AUTS2: variants seen among roughly 807,000 people sequenced by gnomAD.
AUTS2 encodes the protein activator of transcription and developmental regulator AUTS2.
A neutral mutation model predicts 112.4 loss-of-function variants in AUTS2; 17 were observed. That is an observed-to-expected ratio of 0.15 (90% CI 0.10 to 0.23). The LOEUF (loss-of-function observed/expected upper bound fraction) is 0.23, where lower values mean the gene tolerates loss of function less well. AUTS2 is among the 10% of genes least tolerant of loss of function. The probability of loss-of-function intolerance (pLI) is 1.00; values close to 1 mark genes in which losing one functional copy is unlikely to be tolerated. For synonymous variants in AUTS2, 751 were observed against 702.7 expected, an observed-to-expected ratio of 1.07 and a Z score of -1.09; for missense variants, 1,510 against 1,701.6, an observed-to-expected ratio of 0.89 and a Z score of 1.98.
chr7:70,151,504 ATTC>A (rs1312010849), intron 4 of AUTS2, among the ~76,000 whole-genome samples: 5 of 152,116 alleles, frequency 3.3e-5, no homozygotes, highest in African/African-American at 1.2e-4. Context: ...AGACAGTTTC[ATTC>A]TTGTTGCCCA....
chr7:70,094,019 T>C (rs1190556474), intron 2 of AUTS2, among the ~76,000 whole-genome samples: 2 of 152,216 alleles, frequency 1.3e-5, no homozygotes, highest in East Asian at 3.9e-4. Flanking sequence ...GATGCTCATC[T>C]GTTAGGAAAG....
intron 1 of AUTS2, among the ~76,000 whole-genome samples, chr7:69,792,727 T>C (rs2129327762): frequency 6.6e-6 from 1 of 152,216 alleles, no homozygotes; most frequent in African/African-American, 2.4e-5. Flanking sequence ...GTATCTGAAT[T>C]GCCTAAGGCC....
intron 1 of AUTS2, among the ~76,000 whole-genome samples, chr7:69,849,252 C>G (rs1048358606): frequency 1.3e-5 from 2 of 152,160 alleles, no homozygotes; most frequent in Non-Finnish European, 2.9e-5. Flanking sequence ...TTGTGACCTT[C>G]AACAAGTTAT....
chr7:70,557,053 T>C (rs1309490323), intron 5 of AUTS2, among the ~76,000 whole-genome samples: 7 of 152,224 alleles, frequency 4.6e-5, no homozygotes, highest in Non-Finnish European at 1.0e-4. Flanking sequence ...GGTGTAGTTT[T>C]CATTAAGTCA....
chr7:70,196,730 A>G (rs1448751065), intron 4 of AUTS2, among the ~76,000 whole-genome samples: 1 of 152,192 alleles, frequency 6.6e-6, no homozygotes, highest in Non-Finnish European at 1.5e-5. Flanking sequence ...AACTAGACTG[A>G]CTTTTCCCAC....
chr7:70,288,903 G>A (rs1019379895), intron 4 of AUTS2, among the ~76,000 whole-genome samples: 2 of 152,142 alleles, frequency 1.3e-5, no homozygotes, highest in Non-Finnish European at 2.9e-5. Context: ...TATACTAAGC[G>A]TAATACATCA....
intron 5 of AUTS2, among the ~76,000 whole-genome samples, chr7:70,539,095 C>T (rs952509180): frequency 6.6e-5 from 10 of 152,158 alleles, no homozygotes; most frequent in Non-Finnish European, 1.0e-4. Flanking sequence ...TATGATTCCA[C>T]GCCCCTGATG....
intron 4 of AUTS2, among the ~76,000 whole-genome samples, chr7:70,253,539 G>A (rs1462785098): frequency 6.6e-6 from 1 of 152,038 alleles, no homozygotes; most frequent in African/African-American, 2.4e-5. Context: ...TGTGAGTATT[G>A]CTTGTTTTTC....
At chr7:69,883,604 G>T (rs899560980) in intron 1 of AUTS2, among the ~76,000 whole-genome samples, 4 of 152,104 alleles carry the variant, frequency 2.6e-5, no homozygotes, top group Non-Finnish European at 4.4e-5. Flanking sequence ...AAGTGTGCTG[G>T]CAACAAGATA....
chr7:70,161,857 A>G (rs1808093253), intron 4 of AUTS2, among the ~76,000 whole-genome samples: 1 of 152,118 alleles, frequency 6.6e-6, no homozygotes. Flanking sequence ...AACTTTTCTA[A>G]AAGGAATTAC....
chr7:69,884,214 C>T (rs1794177868), intron 1 of AUTS2, among the ~76,000 whole-genome samples: 1 of 152,208 alleles, frequency 6.6e-6, no homozygotes, highest in Non-Finnish European at 1.5e-5. Context: ...CAAAACTCTG[C>T]TGAGCTCATT....
chr7:70,711,028 G>A (rs1359401354), intron 6 of AUTS2, among the ~76,000 whole-genome samples: 12 of 152,202 alleles, frequency 7.9e-5, no homozygotes. Flanking sequence ...GGTAAAGGGT[G>A]ACTTGCCATT....
chr7:69,769,003 C>G (rs2129295612), intron 1 of AUTS2, among the ~76,000 whole-genome samples: 1 of 152,304 alleles, frequency 6.6e-6, no homozygotes, highest in South Asian at 2.1e-4. Context: ...TTTCTCCCAT[C>G]CTGTACAATG....
At chr7:70,316,193 AT>A (rs1372952712) in intron 4 of AUTS2, among the ~76,000 whole-genome samples, 1 of 152,196 alleles carries the variant, frequency 6.6e-6, no homozygotes, top group African/African-American at 2.4e-5. Context: ...ATACTACAGA[AT>A]TAGTTGTAGA....
chr7:69,598,641 C>T lies in AUTS2; in HGVS notation c.-1013C>T, dbSNP rs1792178584. The T allele has an allele frequency of 1.2e-5, 2 of 173,034 alleles. No homozygotes were observed. The highest frequency in any genetic ancestry group is 2.4e-5 in the Non-Finnish European group (2 of 81,802). 10.7% of individuals were successfully genotyped at this position (173,034 alleles called of 1,614,324 possible). A position where few individuals can be genotyped will look rare whatever the true frequency, so the allele number is the denominator to read the frequency against. ...GGCGGGGCGGCGAGAGAAGCGGCGGCGGCGGCGGCGGCACACCGGTGTCTC... is the reference window on the plus strand; with the variant it reads ...GGCGGGGCGGCGAGAGAAGCGGCGGTGGCGGCGGCGGCACACCGGTGTCTC... On this transcript the variant is annotated 5_prime_UTR_variant, in exon 1 of 19. Coordinates refer to ENST00000342771, the MANE Select transcript of AUTS2 (RefSeq NM_015570.4).
chr7:70,787,971 A>T (rs1791623350), intron 18 of AUTS2, among the ~76,000 whole-genome samples: 2 of 152,154 alleles, frequency 1.3e-5, no homozygotes, highest in African/African-American at 4.8e-5. Context: ...AAACGTCGAC[A>T]AGCAGTTTTG....
chr7:70,769,282 G>A (rs1212687057), intron 10 of AUTS2, among the ~76,000 whole-genome samples: 1 of 152,166 alleles, frequency 6.6e-6, no homozygotes, highest in African/African-American at 2.4e-5. Flanking sequence ...ATTTCACGGG[G>A]ACACCCAAAG....
At chr7:70,324,321 T>C (rs935835599) in intron 4 of AUTS2, among the ~76,000 whole-genome samples, 4 of 152,188 alleles carry the variant, frequency 2.6e-5, no homozygotes, top group Non-Finnish European at 5.9e-5. Context: ...CAAATTAGTA[T>C]ATGAGAACAA....
chr7:70,322,868 T>C (rs1047027048), intron 4 of AUTS2, among the ~76,000 whole-genome samples: 3 of 152,198 alleles, frequency 2.0e-5, no homozygotes, highest in African/African-American at 7.2e-5. Flanking sequence ...GCTCCACTTA[T>C]GTCCAGAGCA....
Sources: allele counts gnomAD v4.1 joint callset (sites outside exome capture counted in the v4.1 genomes callset), GRCh38; gene constraint gnomAD v4.1.1; transcripts MANE v1.5; gene names NCBI Gene and HGNC (gene_info 2026-07-23, HGNC 2026-07-21).